The following TMEM161A variants were observed in gnomAD, a reference collection of about 807,000 sequenced individuals.
The protein encoded by TMEM161A is adaptive response to oxidative stress protein 29.
A neutral mutation model predicts 57.1 loss-of-function variants in TMEM161A; 46 were observed. The observed-to-expected ratio is 0.81, with a 90% CI of 0.64 to 1.03. The LOEUF is 1.03. Among genes scored for constraint, TMEM161A ranks in the 50% least tolerant of loss-of-function variants. The pLI is 0.00. For synonymous variants in TMEM161A, 288 were observed against 279.0 expected (o/e 1.03, Z -0.32); for missense variants, 601 against 621.5 (o/e 0.97, Z 0.35).
intron 6 of TMEM161A, among the ~76,000 whole-genome samples, chr19:19,129,881 G>A (rs977107030): frequency 1.4e-4 from 22 of 151,840 alleles, no homozygotes; most frequent in African/African-American, 4.8e-4. Context: ...CTCCTGCCTG[G>A]GTGACAAAAG....
Position 19,132,447 on chromosome 19 carries a change from C to G in TMEM161A, c.348G>C (p.Val116=). 1 of 1,614,166 alleles carries G rather than the reference C, an allele frequency of 6.2e-7. No individual in the cohort carries two copies. Residue 116 remains valine, a synonymous_variant, in exon 5 of 12, where the codon GTG becomes GTC. Transcript: ENST00000162044. The surrounding 1 kb of genome is among the most constrained non-coding windows in gnomAD (Gnocchi z 4.3). The part of the protein sequence containing the change: ...FVDFAVYSGG[V]YLFTEAYYYM... ...AGTAGTAGGCCTCTGTGAAGAGGTA[C>G]ACGCCGCCCGAGTACACAGCAAAGT... is the stretch of plus-strand genomic sequence containing the variant.
rs2059897432 is a variant in TMEM161A at position 19,119,668 on chromosome 19, A to AC, written c.*261dup. 1.5e-5 allele frequency: 8 copies of AC among 531,366 alleles called. No individual in the cohort carries two copies. In the East Asian group the frequency reaches 2.5e-4, roughly 17 times the overall value. 32.9% of individuals were successfully genotyped at this position (531,366 alleles called of 1,614,324 possible). ...TTTGTTCAGAAGAGCAGCCAGCATC[A>AC]CCCTTGCCACTCAAACCTGGCACAT... On this transcript the variant is annotated 3_prime_UTR_variant, in exon 12 of 12. Transcript: ENST00000162044.
In TMEM161A at chr19:19,133,127, C is replaced by T. The variant is rs755338512; in HGVS notation, c.188+3G>A. On this transcript the variant is annotated splice_donor_region_variant and intron_variant, in intron 3 of 11. Transcript: ENST00000162044. ...GGCTGGGGCTGGGGCCCAGGTCACTCACCGCTCTTTCCTGCCTCTGGGCCT... is the reference window on the plus strand; with the variant it reads ...GGCTGGGGCTGGGGCCCAGGTCACTTACCGCTCTTTCCTGCCTCTGGGCCT... 14 of 1,613,374 alleles carry T rather than the reference C, an allele frequency of 8.7e-6. No individual in the cohort carries two copies. The highest frequency in any genetic ancestry group is 1.2e-5 in the Non-Finnish European group (14 of 1,179,646).
rs1428359311 is a variant in TMEM161A, at chr19:19,119,900, C to G, written c.*30G>C. Reference sequence around the variant, plus strand: ...AGTGTCCCGCTGCCCCAGGAACAGACCTCAGGGCCCCAGGAGGGTCTGCAG... The same window carrying G: ...AGTGTCCCGCTGCCCCAGGAACAGAGCTCAGGGCCCCAGGAGGGTCTGCAG... On this transcript the variant is annotated 3_prime_UTR_variant, in exon 12 of 12. Coordinates refer to ENST00000162044, the MANE Select transcript of TMEM161A (RefSeq NM_017814.3). 1 of 1,547,640 alleles carries G rather than the reference C, an allele frequency of 6.5e-7. No individual in the cohort carries two copies. Among genetic ancestry groups the G allele is most frequent in the East Asian group, 2.4e-5 (1 of 40,960 alleles).
intron 1 of TMEM161A, among the ~76,000 whole-genome samples, chr19:19,136,173 A>G (rs80246371): frequency 0.057 from 8,662 of 152,258 alleles, 341 homozygotes; most frequent in African/African-American, 0.1. Context: ...CAGTAATTAC[A>G]TAATTATGTA....
intron 5 of TMEM161A, among the ~76,000 whole-genome samples, chr19:19,131,714 A>G (rs974635221): frequency 6.6e-6 from 1 of 152,178 alleles, no homozygotes; most frequent in East Asian, 1.9e-4. Flanking sequence ...TTAGTAGAGA[A>G]GGGGTTTCTC....
At position 19,132,708 on chromosome 19, in the gene TMEM161A, C is replaced by T. The variant is rs1224407082; in HGVS notation, c.235G>A (p.Asp79Asn). 6.3e-7 allele frequency: 1 copy of T among 1,579,502 alleles called. No individual in the cohort carries two copies. Among genetic ancestry groups the T allele is most frequent in the Middle Eastern group, 1.7e-4 (1 of 5,866 alleles). The change falls in exon 4 of 12, where the codon GAT (aspartate) becomes AAT (asparagine). Residue 79 changes from aspartate (D) to asparagine (N), a missense_variant. By Grantham distance (23) the Asp-to-Asn change is conservative. Coordinates refer to ENST00000162044, the MANE Select transcript of TMEM161A (RefSeq NM_017814.3). The surrounding 1 kb of genome is among the most constrained non-coding windows in gnomAD (Gnocchi z 4.3). The part of the protein sequence containing the change: ...SEEKPLSVPR[D>N]APFQLETCPL... ...CAGGTCTCCAGCTGGAACGGGGCAT[C>T]TCGGGGCACAGACAGTGGCTTCTCC...
At position 19,132,805 on chromosome 19, in the gene TMEM161A, G is replaced by T; in HGVS notation, c.189-51C>A. On this transcript the variant is annotated intron_variant, in intron 3 of 11. Transcript: ENST00000162044. This position sits in a 1 kb window ranked among gnomAD's most constrained non-coding sequence, Gnocchi z 4.3. ...GGACGGTGAGCACGCATTCCACTGAGGCCAGCCACCCTCAGAGCTCAGAGC... is the reference window on the plus strand; with the variant it reads ...GGACGGTGAGCACGCATTCCACTGATGCCAGCCACCCTCAGAGCTCAGAGC... The T allele has an allele frequency of 7.0e-7, 1 of 1,420,576 alleles. No homozygotes were observed. Among genetic ancestry groups the T allele is most frequent in the South Asian group, 1.4e-5 (1 of 71,818 alleles). The allele number at this position is 1,420,576 out of a possible 1,614,324, so 88.0% of individuals were successfully genotyped here. A position where few individuals can be genotyped will look rare whatever the true frequency, so the allele number is the denominator to read the frequency against.
intron 5 of TMEM161A, among the ~76,000 whole-genome samples, chr19:19,131,949 C>T (rs1424090622): frequency 6.6e-6 from 1 of 152,214 alleles, no homozygotes; most frequent in Non-Finnish European, 1.5e-5. Flanking sequence ...GCATGAGCCA[C>T]CATGCCTGGA....
chr19:19,129,152 C>G (rs2059945314), intron 6 of TMEM161A, among the ~76,000 whole-genome samples: 2 of 152,164 alleles, frequency 1.3e-5, no homozygotes, highest in South Asian at 4.1e-4. Flanking sequence ...TCATTTAAAC[C>G]TTACTGCCGC....
rs758691286 is a variant in TMEM161A, at chr19:19,121,629, T to C, written c.696A>G (p.Ala232=). The C allele has an allele frequency of 1.2e-6, 2 of 1,613,842 alleles. No individual in the cohort carries two copies. Among genetic ancestry groups the C allele is most frequent in the African/African-American group, 2.7e-5 (2 of 74,908 alleles). The part of the protein sequence containing the change: ...VAKLAIRVGL[A]VVGSVLGAFL... ...AGGCACCCAGCACAGAGCCCACCAC[T>C]GCCAGTCCCACGCGGATAGCCAGCT... Residue 232 remains alanine (A), a synonymous_variant, in exon 8 of 12, where the codon GCA becomes GCG. Coordinates refer to ENST00000162044, the MANE Select transcript of TMEM161A (RefSeq NM_017814.3). The surrounding 1 kb of genome is among the most constrained non-coding windows in gnomAD (Gnocchi z 5.8).
chr19:19,130,063 C>A (rs1047207069), intron 6 of TMEM161A, 93 bp downstream of exon 6: 2 of 1,470,508 alleles, frequency 1.4e-6, no homozygotes, highest in Non-Finnish European at 1.8e-6. Context: ...CCTTTGCCTA[C>A]TCGTGCTGGA....
In TMEM161A at chr19:19,121,819, C is replaced by T. The variant is rs1258757190; in HGVS notation, c.596G>A (p.Gly199Asp). ...EETLELGLEP[G>D]LASMTQNLEP... Reference sequence around the variant, plus strand: ...TAAGTTCTGGGTCATGCTGGCCAGACCTGGGGACGATAAGAAGAGGACCGA... The same window carrying T: ...TAAGTTCTGGGTCATGCTGGCCAGATCTGGGGACGATAAGAAGAGGACCGA... Residue 199 changes from glycine (G) to aspartate (D), a missense_variant and splice_region_variant, in exon 7 of 12, where the codon GGT becomes GAT. Physicochemically the swap from Gly to Asp is moderately conservative, Grantham distance 94. Transcript: ENST00000162044. The surrounding 1 kb of genome is among the most constrained non-coding windows in gnomAD (Gnocchi z 5.8). The T allele has an allele frequency of 6.2e-7, 1 of 1,613,750 alleles. No individual in the cohort carries two copies. Among genetic ancestry groups the T allele is most frequent in the South Asian group, 1.1e-5 (1 of 91,072 alleles).
chr19:19,131,298 C>A (rs2059957149), intron 5 of TMEM161A, among the ~76,000 whole-genome samples: 1 of 152,072 alleles, frequency 6.6e-6, no homozygotes, highest in Non-Finnish European at 1.5e-5. Context: ...GTTTCCCACT[C>A]CAAAAGTCAC....
At position 19,119,257 on chromosome 19, in the gene TMEM161A, T is replaced by C. The variant is rs1358597733; in HGVS notation, c.*673A>G. On this transcript the variant is annotated 3_prime_UTR_variant, in exon 12 of 12. Coordinates refer to ENST00000162044, the MANE Select transcript of TMEM161A (RefSeq NM_017814.3). ...CCACCTCTCAGGTTCAAGCGACTCT[T>C]CTGGCTCATCCTTCTCAGTAGCTGG... 1 of 152,182 alleles carries C rather than the reference T, an allele frequency of 6.6e-6. No individual in the cohort carries two copies. The highest frequency in any genetic ancestry group is 2.4e-5 in the African/African-American group (1 of 41,330). The allele number at this position is 152,182 out of a possible 1,614,324, so 9.4% of individuals were successfully genotyped here.
At chr19:19,127,480 C>T (rs564600519) in intron 6 of TMEM161A, among the ~76,000 whole-genome samples, 105 of 151,834 alleles carry the variant, frequency 6.9e-4, no homozygotes, top group Non-Finnish European at 1.1e-3. Context: ...CCACCACACC[C>T]GGCTAATTTT....
chr19:19,133,339 G>C, intron 2 of TMEM161A, 129 bp from the exon 3 acceptor site: 3 of 747,586 alleles, frequency 4.0e-6, no homozygotes, highest in Non-Finnish European at 6.7e-6. Context: ...GGTAGGTGAG[G>C]GTACAGCATG....
At chr19:19,134,649 T>G in intron 2 of TMEM161A, 135 bp downstream of exon 2, 1 of 628,410 alleles carries the variant, frequency 1.6e-6, no homozygotes, top group Non-Finnish European at 2.8e-6. Flanking sequence ...TGTACTTCAA[T>G]TACACCTCAA....
chr19:19,121,415 G>T lies in TMEM161A; in HGVS notation c.807C>A (p.Leu269=). 6.2e-7 allele frequency: 1 copy of T among 1,613,854 alleles called. No individual in the cohort carries two copies. Among genetic ancestry groups the T allele is most frequent in the South Asian group, 1.1e-5 (1 of 91,062 alleles). The change falls in exon 9 of 12, where the codon CTC becomes CTA. Residue 269 remains leucine, a synonymous_variant. Transcript: ENST00000162044. The surrounding 1 kb of genome is among the most constrained non-coding windows in gnomAD (Gnocchi z 5.8). ...GGGGAGACAGGAAGCTGGTGTGCAG[G>T]AGGAACCTGGGGGGTGAGGGCAGGA... ...MSEDRPMLQF[L]LHTSFLSPLF...
Sources: allele counts gnomAD v4.1 joint callset (sites outside exome capture counted in the v4.1 genomes callset), GRCh38; gene constraint gnomAD v4.1.1; non-coding constraint Gnocchi (gnomAD v3.1); transcripts MANE v1.5; gene names NCBI Gene and HGNC (gene_info 2026-07-23, HGNC 2026-07-21).